PCDHA10: variants seen among roughly 807,000 people sequenced by gnomAD.
The protein encoded by PCDHA10 is protocadherin alpha-10.
Under a neutral mutation model 61.2 loss-of-function variants are expected in PCDHA10, and 45 were observed. The ratio of observed to expected loss-of-function variants is 0.74; its 90% CI spans 0.58 to 0.94. The LOEUF (loss-of-function observed/expected upper bound fraction) is 0.94. Among genes scored for constraint, PCDHA10 ranks in the 40% least tolerant of loss-of-function variants. The pLI is 0.00. For synonymous variants in PCDHA10, 602 were observed against 548.8 expected, an observed-to-expected ratio of 1.10 and a Z score of -1.35; for missense variants, 1,278 against 1,236.2, an observed-to-expected ratio of 1.03 and a Z score of -0.51.
intron 1 of PCDHA10, 119 bp from the exon 2 acceptor site, chr5:140,978,830 C>T: frequency 6.5e-7 from 1 of 1,535,340 alleles, no homozygotes; most frequent in Non-Finnish European, 8.8e-7. Context: ...TGAAATGGCT[C>T]ATTCAATACT....
chr5:141,000,405 A>C lies in PCDHA10; in HGVS notation c.2537-9222A>C, dbSNP rs1290838400. Among the ~76,000 whole-genome samples the C allele has an allele frequency of 7.9e-5, 7 of 88,832 alleles. No individual in the cohort carries two copies. In the East Asian group the frequency reaches 9.8e-4, roughly 12 times the overall value. The allele number at this position is 88,832 out of a possible 152,430, so 58.3% of individuals were successfully genotyped here. On this transcript the variant is annotated intron_variant, in intron 3 of 3. Transcript: ENST00000307360. ...TCTCTCTCTCTCTCTCTATATATAT[A>C]TATATATATATATATATTTTTTTTT...
In PCDHA10 at chr5:140,857,546, G is replaced by A. The variant is rs1554150192; in HGVS notation, c.1498G>A (p.Glu500Lys). 8 of 1,596,870 alleles carry A rather than the reference G, an allele frequency of 5.0e-6. 2 individuals carry two copies. In the Admixed American group the frequency reaches 8.4e-5, roughly 17 times the overall value. The change falls in exon 1 of 4, where the codon GAG (glutamate) becomes AAG (lysine). Residue 500 changes from glutamate to lysine, a missense_variant. Physicochemically the swap from Glu to Lys is moderately conservative, Grantham distance 56. Coordinates refer to ENST00000307360, the MANE Select transcript of PCDHA10 (RefSeq NM_018901.4). ...CTCTCTGGTGGAGCGGCGGTTGGGC[G>A]AGCGCTCGCTGTCGAGCTACGTGTC... ...SYSLVERRLG[E>K]RSLSSYVSVH...
At chr5:140,866,291 T>A (rs1193667769) in intron 1 of PCDHA10, 1 of 152,138 alleles carries the variant, frequency 6.6e-6, no homozygotes, top group Non-Finnish European at 1.5e-5. Flanking sequence ...TTGGGACAAG[T>A]ATAGATGTTG....
At chr5:141,007,974 A>G (rs2098354254) in intron 3 of PCDHA10, among the ~76,000 whole-genome samples, 1 of 152,220 alleles carries the variant, frequency 6.6e-6, no homozygotes, top group Non-Finnish European at 1.5e-5. Flanking sequence ...GGTGTCTGTC[A>G]TGTATATATG....
At chr5:140,970,247 C>T (rs551216649) in intron 1 of PCDHA10, among the ~76,000 whole-genome samples, 1 of 152,290 alleles carries the variant, frequency 6.6e-6, no homozygotes, top group East Asian at 1.9e-4. Context: ...TTTCTGTTGA[C>T]AGTTTCTATG....
chr5:140,871,489 G>C (rs782277615), intron 1 of PCDHA10: 1 of 1,590,138 alleles, frequency 6.3e-7, no homozygotes, highest in Non-Finnish European at 8.6e-7. Context: ...AAATCACCCC[G>C]GACAGGTGAG....
At chr5:140,969,057 T>G in intron 1 of PCDHA10, 2 of 1,614,162 alleles carry the variant, frequency 1.2e-6, no homozygotes, top group Non-Finnish European at 1.7e-6. Context: ...AACAACAATA[T>G]TGATGCCAGG....
At chr5:141,004,935 A>C (rs1554259817) in intron 3 of PCDHA10, among the ~76,000 whole-genome samples, 1 of 152,112 alleles carries the variant, frequency 6.6e-6, no homozygotes, top group African/African-American at 2.4e-5. Flanking sequence ...GAGAGAAGAA[A>C]ATTTCTTACC....
At chr5:140,962,350 C>A (rs78940637) in intron 1 of PCDHA10, among the ~76,000 whole-genome samples, 3,557 of 152,264 alleles carry the variant, frequency 0.023, 46 homozygotes, top group Middle Eastern at 0.034. Context: ...TAAAACTCCC[C>A]CCAATACTGG....
At chr5:140,986,141 G>C (rs1473474920) in intron 3 of PCDHA10, among the ~76,000 whole-genome samples, 2 of 152,138 alleles carry the variant, frequency 1.3e-5, no homozygotes, top group African/African-American at 2.4e-5. Context: ...ATCAACAAGG[G>C]CATCACCAAG....
At chr5:140,881,441 CAGA>C (rs782795888) in intron 1 of PCDHA10, 70 of 829,276 alleles carry the variant, frequency 8.4e-5, no homozygotes, top group Non-Finnish European at 1.0e-4. Context: ...TTTATAAAAA[CAGA>C]ATCCAAAACC....
At chr5:140,864,608 T>C (rs1180007033) in intron 1 of PCDHA10, 3 of 152,188 alleles carry the variant, frequency 2.0e-5, no homozygotes, top group Non-Finnish European at 4.4e-5. Context: ...GCCAACAACT[T>C]TGTTCTTTTT....
intron 1 of PCDHA10, among the ~76,000 whole-genome samples, chr5:140,969,768 T>G (rs1250957386): frequency 1.3e-5 from 2 of 152,198 alleles, no homozygotes; most frequent in Admixed American, 1.3e-4. Context: ...CTCTGAGGCC[T>G]CTAGGGGCTA....
intron 3 of PCDHA10, among the ~76,000 whole-genome samples, chr5:141,007,166 A>C (rs548434277): frequency 3.3e-5 from 5 of 152,294 alleles, no homozygotes; most frequent in Admixed American, 6.5e-5. Context: ...GAACAGTCAG[A>C]GAGAAAGGTC....
intron 1 of PCDHA10, chr5:140,862,721 C>T (rs1019011354): frequency 3.5e-6 from 2 of 566,878 alleles, no homozygotes; most frequent in Admixed American, 3.8e-5. Context: ...GGCGAGTGCG[C>T]GCTGTCTAGC....
rs2043811735 is a variant in PCDHA10 at position 140,856,151 on chromosome 5, T to C, written c.103T>C (p.Tyr35His). The C allele has an allele frequency of 1.3e-6, 2 of 1,598,312 alleles. No homozygotes were observed. Among genetic ancestry groups the C allele is most frequent in the Middle Eastern group, 1.7e-4 (1 of 5,988 alleles). Residue 35 changes from tyrosine (Y) to histidine (H), a missense_variant, in exon 1 of 4, where the codon TAC becomes CAC. By Grantham distance (83) the Tyr-to-His change is moderately conservative (BLOSUM62 2). Transcript: ENST00000307360. The part of the protein sequence containing the change: ...VGSGQLHYSV[Y>H]EEARHGTFVG... The stretch of plus-strand genomic sequence containing the variant: ...GAGCGGCCAGCTCCACTACTCAGTC[T>C]ACGAGGAGGCCAGACACGGCACCTT...
intron 1 of PCDHA10, among the ~76,000 whole-genome samples, chr5:140,892,628 T>C (rs1554185308): frequency 6.6e-6 from 1 of 152,166 alleles, no homozygotes; most frequent in African/African-American, 2.4e-5. Flanking sequence ...TGGTACATAA[T>C]AATTGTACAT....
intron 1 of PCDHA10, chr5:140,876,551 A>C: frequency 6.2e-7 from 1 of 1,614,184 alleles, no homozygotes; most frequent in Non-Finnish European, 8.5e-7. Flanking sequence ...CTCCCTGTGC[A>C]AGAGGATGCT....
At chr5:140,926,840 C>T (rs1427760232) in intron 1 of PCDHA10, 4 of 1,514,378 alleles carry the variant, frequency 2.6e-6, no homozygotes, top group South Asian at 2.7e-5. Flanking sequence ...GAGCATGGTC[C>T]TGGGTCACCG....
Sources: allele counts gnomAD v4.1 joint callset (sites outside exome capture counted in the v4.1 genomes callset), GRCh38; gene constraint gnomAD v4.1.1; transcripts MANE v1.5; gene names NCBI Gene and HGNC (gene_info 2026-07-23, HGNC 2026-07-21).